Variants in PLEK2 observed in about 807,000 individuals in gnomAD.
PLEK2 encodes pleckstrin 2.
Under a neutral mutation model 43.8 loss-of-function variants are expected in PLEK2, and 29 were observed. The observed-to-expected ratio is 0.66, with a 90% CI of 0.49 to 0.90. The LOEUF (loss-of-function observed/expected upper bound fraction) is 0.90, where lower values mean the gene tolerates loss of function less well. Among genes scored for constraint, PLEK2 ranks in the 40% least tolerant of loss-of-function variants. The pLI is 0.00. For missense variants in PLEK2, 398 were observed against 448.1 expected (o/e 0.89, Z 1.01); for synonymous variants, 162 against 173.2 (o/e 0.94, Z 0.51).
intron 1 of PLEK2, among the ~76,000 whole-genome samples, chr14:67,406,659 G>A (rs944744982): frequency 6.6e-6 from 1 of 152,198 alleles, no homozygotes. Flanking sequence ...TCCGAACACA[G>A]CAGCAGAACA....
At chr14:67,408,588 T>C (rs1399033532) in intron 1 of PLEK2, among the ~76,000 whole-genome samples, 2 of 152,068 alleles carry the variant, frequency 1.3e-5, no homozygotes, top group Admixed American at 6.6e-5. Context: ...AAGAGACACA[T>C]AGGGAGAGGA....
At chr14:67,387,876 A>G (rs894103568) in intron 8 of PLEK2, among the ~76,000 whole-genome samples, 2 of 152,216 alleles carry the variant, frequency 1.3e-5, no homozygotes, top group African/African-American at 4.8e-5. Flanking sequence ...TCTTCTTACT[A>G]TGGCTGGCTA....
intron 3 of PLEK2, among the ~76,000 whole-genome samples, chr14:67,394,781 G>A (rs1174763467): frequency 1.3e-5 from 2 of 152,172 alleles, no homozygotes; most frequent in Admixed American, 6.5e-5. Flanking sequence ...GGGTCATGGG[G>A]GCTCTGCCCT....
intron 1 of PLEK2, among the ~76,000 whole-genome samples, chr14:67,404,585 G>A (rs936849296): frequency 3.3e-5 from 5 of 152,088 alleles, no homozygotes; most frequent in African/African-American, 9.7e-5. Flanking sequence ...TAAGATGGGA[G>A]GATCACTTGA....
In PLEK2 at chr14:67,388,249, A is replaced by G; in HGVS notation, c.909T>C (p.Ala303=). 6.2e-7 allele frequency: 1 copy of G among 1,613,408 alleles called. No homozygotes were observed. The highest frequency in any genetic ancestry group is 1.3e-5 in the African/African-American group (1 of 75,008). The change falls in exon 8 of 9, where the codon GCT becomes GCC. Residue 303 remains alanine (A), a synonymous_variant. Coordinates refer to ENST00000216446, the MANE Select transcript of PLEK2 (RefSeq NM_016445.3). ...GFSLRGSLVS[A]LEDNGVPTGV... The stretch of plus-strand genomic sequence containing the variant: ...CAGTGGGAACGCCATTATCTTCCAG[A>G]GCAGACACGAGTGAACCACGAAGAG...
At chr14:67,387,506 G>T (rs1280023280) in intron 8 of PLEK2, 50 bp from the exon 9 acceptor site, 6 of 1,573,032 alleles carry the variant, frequency 3.8e-6, no homozygotes, top group Non-Finnish European at 5.2e-6. Context: ...AGCCATGTCT[G>T]CTTTCATCTT....
chr14:67,400,212 AAC>A (rs146516480), intron 1 of PLEK2, among the ~76,000 whole-genome samples: 300 of 152,344 alleles, frequency 2.0e-3, no homozygotes, highest in African/African-American at 6.1e-3. Flanking sequence ...ACAACTAAAG[AAC>A]ACTTATAACA....
At chr14:67,391,479 G>A (rs749676380) in intron 6 of PLEK2, among the ~76,000 whole-genome samples, 5 of 152,122 alleles carry the variant, frequency 3.3e-5, no homozygotes, top group Non-Finnish European at 5.9e-5. Context: ...GGGCCTTGGT[G>A]TAGACAGGCA....
intron 5 of PLEK2, 29 bp from the exon 6 acceptor site, chr14:67,392,456 G>C (rs368604605): frequency 6.7e-5 from 104 of 1,541,056 alleles, no homozygotes; most frequent in Non-Finnish European, 6.9e-5. Flanking sequence ...CAAGGACTCT[G>C]CTACAGAAAA....
rs1395304008 is a variant in PLEK2, at chr14:67,412,112, G to A, written c.-53C>T. ...CAGGTGCGCCTTCCCCGCGCCTCGC[G>A]CTCCTCGGCACCCGCGCAGCCCGCG... On this transcript the variant is annotated 5_prime_UTR_variant, in exon 1 of 9. Transcript: ENST00000216446. 4 of 1,452,870 alleles carry A rather than the reference G, an allele frequency of 2.8e-6. No individual in the cohort carries two copies. Among genetic ancestry groups the A allele is most frequent in the African/African-American group, 3.0e-5 (2 of 67,624 alleles). The allele number at this position is 1,452,870 out of a possible 1,614,324, so 90.0% of individuals were successfully genotyped here.
chr14:67,404,197 A>C (rs1290629480), intron 1 of PLEK2, among the ~76,000 whole-genome samples: 1 of 152,230 alleles, frequency 6.6e-6, no homozygotes, highest in Non-Finnish European at 1.5e-5. Flanking sequence ...GCTGCAGTGC[A>C]AGAATTCCAA....
chr14:67,388,401 A>T, intron 7 of PLEK2, 99 bp from the exon 8 acceptor site: 2 of 743,852 alleles, frequency 2.7e-6, no homozygotes, highest in Middle Eastern at 2.4e-4. Context: ...AGTGAGTGCA[A>T]ATCATTTGTA....
chr14:67,399,573 G>A (rs2086033598), intron 1 of PLEK2, among the ~76,000 whole-genome samples: 1 of 148,714 alleles, frequency 6.7e-6, no homozygotes, highest in Admixed American at 6.6e-5. Flanking sequence ...GCTGTCAGGT[G>A]GCAGGAATAA....
rs776916842 is a variant in PLEK2, at chr14:67,387,288, A to G, written c.*41T>C. ...TTCTCCAGGAACTCTTGTCTGTGTCATCTGGTAGGAGGGAGGAATCCTGGT... is the reference window on the plus strand; with the variant it reads ...TTCTCCAGGAACTCTTGTCTGTGTCGTCTGGTAGGAGGGAGGAATCCTGGT... On this transcript the variant is annotated 3_prime_UTR_variant, in exon 9 of 9. Coordinates refer to ENST00000216446, the MANE Select transcript of PLEK2 (RefSeq NM_016445.3). 1.3e-6 allele frequency: 2 copies of G among 1,582,048 alleles called. No individual in the cohort carries two copies. Among genetic ancestry groups the G allele is most frequent in the South Asian group, 1.2e-5 (1 of 85,820 alleles).
At chr14:67,397,502 A>G (rs2086019120) in intron 2 of PLEK2, among the ~76,000 whole-genome samples, 160 bp downstream of exon 2, 1 of 152,248 alleles carries the variant, frequency 6.6e-6, no homozygotes, top group South Asian at 2.1e-4. Flanking sequence ...CTACTTGTCC[A>G]AGCTCACATA....
intron 1 of PLEK2, among the ~76,000 whole-genome samples, chr14:67,400,748 G>T (rs979197673): frequency 2.0e-5 from 3 of 152,130 alleles, no homozygotes; most frequent in Non-Finnish European, 2.9e-5. Flanking sequence ...AGCACTTCGG[G>T]AGGCCAAGGT....
At chr14:67,410,265 C>T (rs1286853245) in intron 1 of PLEK2, among the ~76,000 whole-genome samples, 1 of 152,030 alleles carries the variant, frequency 6.6e-6, no homozygotes, top group South Asian at 2.1e-4. Context: ...AGGAGAAGGC[C>T]TCCAAAACTC....
intron 1 of PLEK2, among the ~76,000 whole-genome samples, chr14:67,400,112 G>T (rs1162089414): frequency 1.3e-5 from 2 of 152,202 alleles, no homozygotes; most frequent in Non-Finnish European, 2.9e-5. Flanking sequence ...AGAGCCAAAA[G>T]TTGTAGAAGG....
At chr14:67,410,195 T>C (rs565671189) in intron 1 of PLEK2, among the ~76,000 whole-genome samples, 1 of 151,990 alleles carries the variant, frequency 6.6e-6, no homozygotes, top group South Asian at 2.1e-4. Flanking sequence ...CCCTTAGCCC[T>C]CCTCTGACTC....
Sources: allele counts gnomAD v4.1 joint callset (sites outside exome capture counted in the v4.1 genomes callset), GRCh38; gene constraint gnomAD v4.1.1; transcripts MANE v1.5; gene names NCBI Gene and HGNC (gene_info 2026-07-23, HGNC 2026-07-21).